The following RDH13 variants were observed in gnomAD, a reference collection of about 807,000 sequenced individuals.
RDH13 encodes the protein retinol dehydrogenase 13 (all-trans and 9-cis).
In RDH13, 35 loss-of-function variants were observed where a neutral mutation model predicts 28.3. That is an observed-to-expected ratio of 1.24 (90% CI 0.95 to 1.64). The LOEUF is 1.64. Among genes scored for constraint, RDH13 ranks in the 40% most tolerant of loss-of-function variants. The pLI is 0.00. For synonymous variants in RDH13, 229 were observed against 198.5 expected, an observed-to-expected ratio of 1.15 and a Z score of -1.29; for missense variants, 514 against 446.3, an observed-to-expected ratio of 1.15 and a Z score of -1.37.
rs188744496 is a variant in RDH13 at position 55,056,917 on chromosome 19, C to A, written c.185-109G>T. 9.2e-5 allele frequency: 88 copies of A among 955,842 alleles called. No homozygotes were observed. The African/African-American group carries it at 1.1e-3, about 12-fold the overall frequency. 59.2% of individuals were successfully genotyped at this position (955,842 alleles called of 1,614,324 possible). A position where few individuals can be genotyped will look rare whatever the true frequency, so the allele number is the denominator to read the frequency against. On this transcript the variant is annotated intron_variant, in intron 2 of 6. Coordinates refer to ENST00000415061, the MANE Select transcript of RDH13 (RefSeq NM_001145971.2). ...ACAAAAACACATCCACCAATGTTCA[C>A]TGCGGCATTCTTCACAAAAGCCAAA...
At chr19:55,067,856 G>A (rs2075986959), upstream of RDH13, 1 of 144,704 alleles carries the variant, frequency 6.9e-6, no homozygotes, top group African/African-American at 2.6e-5. Context: ...GATTAGCTGG[G>A]TGCTATCAAT....
At chr19:55,039,437 A>G (rs2074957005), downstream of RDH13, 1 of 152,194 alleles carries the variant, frequency 6.6e-6, no homozygotes, top group Admixed American at 6.5e-5. Flanking sequence ...AATCCCAGCT[A>G]CTTGGGAGAC....
At chr19:55,059,824 G>C (rs1292978496) in intron 1 of RDH13, among the ~76,000 whole-genome samples, 3 of 152,186 alleles carry the variant, frequency 2.0e-5, no homozygotes, top group Non-Finnish European at 2.9e-5. Context: ...CTTTGACCCA[G>C]CCACTTTGAC....
At chr19:55,065,940 A>T (rs2075951822), upstream of RDH13, among the ~76,000 whole-genome samples, 1 of 151,576 alleles carries the variant, frequency 6.6e-6, no homozygotes, top group Non-Finnish European at 1.5e-5. Context: ...CTGGTTTTGA[A>T]CTCCAGGCTT....
At chr19:55,053,451 C>T (rs561809515) in intron 3 of RDH13, among the ~76,000 whole-genome samples, 8 of 151,590 alleles carry the variant, frequency 5.3e-5, no homozygotes, top group Non-Finnish European at 7.4e-5. Context: ...GTCAGGAGAT[C>T]GAGACCATCC....
At chr19:55,058,459 T>C (rs770889803) in intron 2 of RDH13, among the ~76,000 whole-genome samples, 8 of 151,858 alleles carry the variant, frequency 5.3e-5, no homozygotes, top group Non-Finnish European at 1.0e-4. Flanking sequence ...TCTCAAATTG[T>C]TTCATCTTGC....
intron 5 of RDH13, 133 bp from the exon 6 acceptor site, chr19:55,047,621 C>T (rs1189045664): frequency 7.1e-7 from 1 of 1,407,140 alleles, no homozygotes; most frequent in African/African-American, 1.4e-5. Context: ...GTCCCTCTTG[C>T]TCTGGAATCT....
chr19:55,045,266 G>A lies in RDH13; in HGVS notation c.804C>T (p.Ala268=). The A allele has an allele frequency of 5.0e-6, 8 of 1,613,092 alleles. No homozygotes were observed. The East Asian group carries it at 1.8e-4, about 36-fold the overall frequency. The change falls in exon 7 of 7, where the codon GCC becomes GCT. Residue 268 remains alanine, a synonymous_variant. Coordinates refer to ENST00000415061, the MANE Select transcript of RDH13 (RefSeq NM_001145971.2). ...CCACGGCCAGGTATGTGCTGGGCTG[G>A]GCGGCCAGCTCGGGGCTCTTGACCA... ...WLLVKSPELA[A]QPSTYLAVAE...
At chr19:55,057,539 TCTC>T (rs1446733292) in intron 2 of RDH13, among the ~76,000 whole-genome samples, 2 of 151,494 alleles carry the variant, frequency 1.3e-5, no homozygotes, top group African/African-American at 4.8e-5. Context: ...TTCAAGCAAT[TCTC>T]CTGCCTCAGC....
intron 3 of RDH13, among the ~76,000 whole-genome samples, chr19:55,054,190 T>A (rs1265226576): frequency 6.6e-6 from 1 of 152,182 alleles, no homozygotes; most frequent in Non-Finnish European, 1.5e-5. Context: ...GCTAAATAAA[T>A]GAGGTCCCAC....
chr19:55,050,537 C>T (rs2075394973), intron 3 of RDH13, among the ~76,000 whole-genome samples: 2 of 152,314 alleles, frequency 1.3e-5, no homozygotes, highest in Non-Finnish European at 2.9e-5. Flanking sequence ...AGTCTTCTTG[C>T]TCAGCCTCCC....
chr19:55,058,327 G>A (rs868038532), intron 2 of RDH13, among the ~76,000 whole-genome samples: 17 of 151,462 alleles, frequency 1.1e-4, no homozygotes, highest in African/African-American at 2.4e-4. Flanking sequence ...GGCGAAGGTT[G>A]CAGTGAGCCA....
intron 5 of RDH13, 40 bp downstream of exon 5, chr19:55,048,287 CAG>C (rs1293641275): frequency 1.2e-6 from 2 of 1,611,804 alleles, no homozygotes; most frequent in South Asian, 1.1e-5. Context: ...GCTCTAGGCT[CAG>C]AGTAAAGCAA....
upstream of RDH13, chr19:55,067,847 AT>A (rs1323790924): frequency 6.6e-6 from 1 of 150,940 alleles, no homozygotes; most frequent in Admixed American, 6.7e-5. Flanking sequence ...CCACTGATTG[AT>A]TAGCTGGGTG....
chr19:55,043,844 T>G (rs1474185127), downstream of RDH13, among the ~76,000 whole-genome samples: 2 of 152,130 alleles, frequency 1.3e-5, no homozygotes, highest in Non-Finnish European at 2.9e-5. Context: ...CACAGCAGTC[T>G]TGTAAGATGC....
intron 6 of RDH13, among the ~76,000 whole-genome samples, chr19:55,045,924 T>G: frequency 7.9e-6 from 1 of 127,134 alleles, no homozygotes; most frequent in Non-Finnish European, 1.6e-5. Context: ...CCAGCCTGGG[T>G]GACAATAGCA....
chr19:55,055,109 A>G (rs1331525956), intron 3 of RDH13, among the ~76,000 whole-genome samples: 1 of 152,130 alleles, frequency 6.6e-6, no homozygotes, highest in Admixed American at 6.6e-5. Context: ...AAAGATCCAT[A>G]AAAGTGATTC....
At chr19:55,052,928 C>T (rs551148361) in intron 3 of RDH13, among the ~76,000 whole-genome samples, 2 of 148,202 alleles carry the variant, frequency 1.3e-5, no homozygotes, top group South Asian at 4.3e-4. Context: ...TCCCAAAGTG[C>T]TGGGATTACA....
chr19:55,049,224 C>T (rs761213943), intron 3 of RDH13, among the ~76,000 whole-genome samples: 4 of 152,188 alleles, frequency 2.6e-5, no homozygotes, highest in Non-Finnish European at 2.9e-5. Context: ...GACACTCACA[C>T]GCCCTCCGCA....
Sources: allele counts gnomAD v4.1 joint callset (sites outside exome capture counted in the v4.1 genomes callset), GRCh38; gene constraint gnomAD v4.1.1; transcripts MANE v1.5; gene names NCBI Gene and HGNC (gene_info 2026-07-23, HGNC 2026-07-21).